Variants in PRKG1 observed in about 807,000 individuals in gnomAD.
PRKG1 encodes the protein cGMP-dependent protein kinase 1.
PRKG1 carries 35 observed loss-of-function variants against 88.1 expected under a neutral mutation model. The observed-to-expected ratio is 0.40, with a 90% confidence interval of 0.30 to 0.53. The LOEUF (loss-of-function observed/expected upper bound fraction) is 0.53, where lower values mean the gene tolerates loss of function less well. PRKG1 is among the 20% of genes least tolerant of loss of function. The probability of loss-of-function intolerance (pLI) is 0.59; values close to 1 mark genes in which losing one functional copy is unlikely to be tolerated. For synonymous variants in PRKG1, 303 were observed against 292.5 expected (o/e 1.04, Z -0.37); for missense variants, 540 against 839.8 (o/e 0.64, Z 4.41).
At chr10:52,024,310 T>TA (rs1235106670) in intron 5 of PRKG1, among the ~76,000 whole-genome samples, 3 of 55,362 alleles carry the variant, frequency 5.4e-5, no homozygotes, top group Admixed American at 2.1e-4. Flanking sequence ...TTTATTTATT[T>TA]ATTTAACTTT....
intron 9 of PRKG1, among the ~76,000 whole-genome samples, chr10:52,178,032 C>G (rs2132722334): frequency 6.6e-6 from 1 of 151,046 alleles, no homozygotes; most frequent in East Asian, 1.9e-4. Context: ...TTCCCTTCTA[C>G]TAATTTGGGG....
At chr10:51,561,667 G>A (rs1837465314) in intron 3 of PRKG1, among the ~76,000 whole-genome samples, 1 of 152,022 alleles carries the variant, frequency 6.6e-6, no homozygotes, top group African/African-American at 2.4e-5. Context: ...TGGGGAAGTG[G>A]AGAAGGGGAG....
chr10:52,010,919 G>C, intron 5 of PRKG1, among the ~76,000 whole-genome samples: 1 of 152,184 alleles, frequency 6.6e-6, no homozygotes, highest in East Asian at 1.9e-4. Context: ...CTGACTTCTA[G>C]AGACTTTGTC....
At chr10:51,405,354 G>A (rs1837880340) in intron 2 of PRKG1, among the ~76,000 whole-genome samples, 1 of 152,174 alleles carries the variant, frequency 6.6e-6, no homozygotes, top group Non-Finnish European at 1.5e-5. Context: ...TTAACCCTTA[G>A]AGGAGTTACT....
At chr10:51,398,643 C>A (rs1013478452) in intron 2 of PRKG1, among the ~76,000 whole-genome samples, 1 of 152,198 alleles carries the variant, frequency 6.6e-6, no homozygotes, top group African/African-American at 2.4e-5. Context: ...TTGACTAGGT[C>A]ACAGTGTGTG....
At chr10:51,475,969 G>A (rs955114551) in intron 3 of PRKG1, among the ~76,000 whole-genome samples, 2 of 151,968 alleles carry the variant, frequency 1.3e-5, no homozygotes, top group African/African-American at 4.8e-5. Context: ...AGTTGATAAT[G>A]TCTTCATACA....
intron 4 of PRKG1, among the ~76,000 whole-genome samples, chr10:51,840,631 C>T (rs185844040): frequency 2.4e-4 from 37 of 152,148 alleles, no homozygotes; most frequent in African/African-American, 8.7e-4. Context: ...ACTGGAACCT[C>T]TGCCTCCTAG....
At chr10:52,185,077 A>G (rs560658123) in intron 9 of PRKG1, 3 of 152,160 alleles carry the variant, frequency 2.0e-5, no homozygotes, top group Non-Finnish European at 4.4e-5. Context: ...TCCCCTCCCA[A>G]TAGTCCCCCA....
chr10:51,503,915 C>A (rs772899177), intron 3 of PRKG1, among the ~76,000 whole-genome samples: 1 of 151,816 alleles, frequency 6.6e-6, no homozygotes, highest in African/African-American at 2.4e-5. Flanking sequence ...ACAAATAATC[C>A]AGAATTTAGA....
At position 52,271,378 on chromosome 10, in the gene PRKG1, C is replaced by T. The variant is rs1841726796; in HGVS notation, c.1202C>T (p.Thr401Met). The T allele has an allele frequency of 3.1e-6, 5 of 1,612,534 alleles. No homozygotes were observed. The highest frequency in any genetic ancestry group is 1.6e-4 in the Middle Eastern group (1 of 6,066). ...LVQLKSEESK[T>M]FAMKILKKRH... The stretch of plus-strand genomic sequence containing the variant: ...CAGTTGAAAAGTGAAGAATCCAAAA[C>T]GTTTGCAATGAAGATTCTCAAGAAA... The change falls in exon 11 of 18, where the codon ACG becomes ATG. Residue 401 changes from threonine to methionine, a missense_variant. Thr to Met is a moderately conservative substitution (Grantham distance 81). This residue lies in a region of PRKG1 where 400 missense variants were observed against 562.7 expected (regional missense o/e 0.71). Coordinates refer to ENST00000373980, the MANE Select transcript of PRKG1 (RefSeq NM_006258.4).
chr10:51,472,112 T>A (rs935248598), intron 3 of PRKG1, among the ~76,000 whole-genome samples: 2 of 151,946 alleles, frequency 1.3e-5, no homozygotes, highest in Non-Finnish European at 2.9e-5. Flanking sequence ...TGAATCTTTT[T>A]AAGTTTACAT....
chr10:51,712,476 G>A (rs1237799179), intron 3 of PRKG1, among the ~76,000 whole-genome samples: 1 of 149,658 alleles, frequency 6.7e-6, no homozygotes, highest in East Asian at 2.0e-4. Context: ...GTCAAGTTTT[G>A]ATGCTTATTT....
intron 2 of PRKG1, among the ~76,000 whole-genome samples, chr10:51,242,030 T>C (rs1461904098): frequency 6.6e-6 from 1 of 150,406 alleles, no homozygotes; most frequent in Non-Finnish European, 1.5e-5. Context: ...ACAAAAAGAT[T>C]GCTGAATAAG....
chr10:52,270,245 A>C (rs4935322), intron 10 of PRKG1, among the ~76,000 whole-genome samples: 4,553 of 152,222 alleles, frequency 0.03, 299 homozygotes, highest in East Asian at 0.24. Flanking sequence ...GATGTGGAGA[A>C]ATAGGAACAC....
At chr10:52,203,099 G>A (rs2132781267) in intron 9 of PRKG1, among the ~76,000 whole-genome samples, 1 of 152,188 alleles carries the variant, frequency 6.6e-6, no homozygotes, top group South Asian at 2.1e-4. Context: ...TCCTCTAGAT[G>A]TGATGTTAGG....
intron 2 of PRKG1, among the ~76,000 whole-genome samples, chr10:51,419,742 A>G (rs895710359): frequency 3.9e-5 from 6 of 152,068 alleles, no homozygotes; most frequent in African/African-American, 1.4e-4. Context: ...ATGTGGAACC[A>G]AAAAAACGCC....
chr10:51,555,316 A>T (rs1837282544), intron 3 of PRKG1, among the ~76,000 whole-genome samples: 1 of 151,916 alleles, frequency 6.6e-6, no homozygotes, highest in Non-Finnish European at 1.5e-5. Flanking sequence ...TTTTTAAAAC[A>T]TTTTTTGGCA....
In PRKG1 at chr10:51,816,829, C is replaced by T. The variant is rs536161784; in HGVS notation, c.698+12139C>T. Among the ~76,000 whole-genome samples, 3 of 152,180 alleles carry T rather than the reference C, an allele frequency of 2.0e-5. No homozygotes were observed. In the South Asian group the frequency reaches 6.2e-4, roughly 32 times the overall value. Reference sequence around the variant, plus strand: ...AGCAATTGAATAAATACTGTTTTCCCTGTTGGCTGGAGGGGGTCCAATGGG... The same window carrying T: ...AGCAATTGAATAAATACTGTTTTCCTTGTTGGCTGGAGGGGGTCCAATGGG... On this transcript the variant is annotated intron_variant, in intron 4 of 17. Transcript: ENST00000373980.
intron 4 of PRKG1, among the ~76,000 whole-genome samples, chr10:51,872,965 G>A (rs10999866): frequency 0.013 from 1,915 of 151,928 alleles, 46 homozygotes; most frequent in African/African-American, 0.043. Context: ...TTTCTTTACC[G>A]TAATGTTTGT....
Sources: gnomAD v4.1 joint callset for allele counts (sites outside exome capture counted in the v4.1 genomes callset) on GRCh38, gnomAD v4.1.1 for gene constraint, gnomAD v4.1.1 regional missense constraint, MANE v1.5 for transcripts, NCBI Gene and HGNC (gene_info 2026-07-23, HGNC 2026-07-21) for gene names.